ATG9A: variants seen among roughly 807,000 people sequenced by gnomAD.
ATG9A encodes the protein autophagy-related protein 9A.
A neutral mutation model predicts 87.1 loss-of-function variants in ATG9A; 21 were observed. That is an observed-to-expected ratio of 0.24 (90% CI 0.17 to 0.35). The LOEUF is 0.35. Among genes scored for constraint, ATG9A ranks in the 10% least tolerant of loss-of-function variants. The probability of loss-of-function intolerance (pLI) is 1.00; values close to 1 mark genes in which losing one functional copy is unlikely to be tolerated. For missense variants in ATG9A, 836 were observed against 1,107.3 expected (o/e 0.76, Z 3.48); for synonymous variants, 422 against 441.3 (o/e 0.96, Z 0.55).
In ATG9A at chr2:219,220,357, A is replaced by C; in HGVS notation, c.*90T>G. 1 of 1,516,590 alleles carries C rather than the reference A, an allele frequency of 6.6e-7. No homozygotes were observed. Among genetic ancestry groups the C allele is most frequent in the Non-Finnish European group, 9.1e-7 (1 of 1,097,290 alleles). The allele number at this position is 1,516,590 out of a possible 1,614,324, so 93.9% of individuals were successfully genotyped here. A position where few individuals can be genotyped will look rare whatever the true frequency, so the allele number is the denominator to read the frequency against. On this transcript the variant is annotated 3_prime_UTR_variant, in exon 16 of 16. Coordinates refer to ENST00000361242, the MANE Select transcript of ATG9A (RefSeq NM_001077198.3). The stretch of plus-strand genomic sequence containing the variant: ...CACCACACACGTGGGGCCAGGGAAC[A>C]CTCAGAGGAGCCGTCCCATGGCAGG...
rs1338514895 is a variant in ATG9A at position 219,225,190 on chromosome 2, T to C, written c.397A>G (p.Ile133Val). ...SARIQENGSL[I>V]TILVIAGVFW... Reference sequence around the variant, plus strand: ...ACACCAGCAATGACCAGGATGGTGATAAGGGAGCCATTTTCCTGAATCCTG... The same window carrying C: ...ACACCAGCAATGACCAGGATGGTGACAAGGGAGCCATTTTCCTGAATCCTG... The change falls in exon 7 of 16, where the codon ATC becomes GTC. Residue 133 changes from isoleucine (I) to valine (V), a missense_variant. By Grantham distance (29) the Ile-to-Val change is conservative (BLOSUM62 3). This residue lies in a region of ATG9A where 512 missense variants were observed against 759.6 expected (regional missense o/e 0.67). Coordinates refer to ENST00000361242, the MANE Select transcript of ATG9A (RefSeq NM_001077198.3). 1 of 1,613,796 alleles carries C rather than the reference T, an allele frequency of 6.2e-7. No homozygotes were observed.
rs1433084295 is a variant in ATG9A, at chr2:219,225,536, C to G, written c.249G>C (p.Leu83=). The change falls in exon 6 of 16, where the codon CTG becomes CTC. Residue 83 remains leucine, a synonymous_variant. Transcript: ENST00000361242. ...FLFVVAFTTF[L]VSCVDYDILF... is the part of the protein sequence containing the mutation. ...GGATGTCATAGTCCACGCAGCTGAC[C>G]AGGAAGGTAGTGAAGGCAACCACAA... The G allele has an allele frequency of 3.1e-6, 5 of 1,613,968 alleles. No individual in the cohort carries two copies. In the Admixed American group the frequency reaches 5.0e-5, roughly 16 times the overall value.
rs756324717 is a variant in ATG9A at position 219,221,208 on chromosome 2, C to T, written c.2240G>A (p.Gly747Glu). The change falls in exon 14 of 16, where the codon GGA becomes GAA. Residue 747 changes from glycine to glutamate, a missense_variant. By Grantham distance (98) the Gly-to-Glu change is moderately conservative. This residue lies in a region of ATG9A where 324 missense variants were observed against 347.6 expected (regional missense o/e 0.93). Coordinates refer to ENST00000361242, the MANE Select transcript of ATG9A (RefSeq NM_001077198.3). ...AGACTGGGGGGCCCGGGCGCCCTCT[C>T]CCCCTTCATCAGGGGCGCTTTCTCC... ...ESGESAPDEGGEGARAPQSIP... is the reference protein window; with the variant it reads ...ESGESAPDEGEEGARAPQSIP... The T allele has an allele frequency of 1.1e-5, 17 of 1,590,898 alleles. 1 individual carries two copies. Among genetic ancestry groups the T allele is most frequent in the Non-Finnish European group, 1.4e-5 (16 of 1,169,040 alleles).
At chr2:219,227,425 G>A (rs548369765) in intron 4 of ATG9A, among the ~76,000 whole-genome samples, 77 of 152,304 alleles carry the variant, frequency 5.1e-4, no homozygotes, top group African/African-American at 1.8e-3. Flanking sequence ...ACTGAGGCAG[G>A]AGAATCTCTT....
Position 219,227,997 on chromosome 2 carries a change from G to A in ATG9A, c.28C>T (p.Arg10Cys), listed in dbSNP as rs1366445495. Residue 10 changes from arginine (R) to cysteine (C), a missense_variant, in exon 3 of 16, where the codon CGC (arginine) becomes TGC (cysteine). Arg to Cys is a radical substitution (Grantham distance 180). Transcript: ENST00000361242. MAQFDTEYQRLEASYSDSPP... is the reference protein window; with the variant it reads MAQFDTEYQCLEASYSDSPP... Reference sequence around the variant, plus strand: ...GAATCACTATAGGAGGCCTCTAGGCGCTGGTATTCAGTGTCAAACTGCGCC... The same window carrying A: ...GAATCACTATAGGAGGCCTCTAGGCACTGGTATTCAGTGTCAAACTGCGCC... 12 of 1,614,044 alleles carry A rather than the reference G, an allele frequency of 7.4e-6. No homozygotes were observed. Among genetic ancestry groups the A allele is most frequent in the South Asian group, 1.1e-5 (1 of 91,076 alleles).
chr2:219,222,951 C>A lies in ATG9A; in HGVS notation c.1600-58G>T. The A allele has an allele frequency of 6.3e-7, 1 of 1,599,106 alleles. No homozygotes were observed. The highest frequency in any genetic ancestry group is 8.5e-7 in the Non-Finnish European group (1 of 1,172,726). ...TTCTCTTCCAGGAGCCTTCCTGCACCTTTCCTGTTAGTGGGGAGGCCTTAC... is the reference window on the plus strand; with the variant it reads ...TTCTCTTCCAGGAGCCTTCCTGCACATTTCCTGTTAGTGGGGAGGCCTTAC... On this transcript the variant is annotated intron_variant, in intron 10 of 15. Coordinates refer to ENST00000361242, the MANE Select transcript of ATG9A (RefSeq NM_001077198.3). The surrounding 1 kb of genome is among the most constrained non-coding windows in gnomAD (Gnocchi z 4.3).
rs772188896 is a variant in ATG9A, at chr2:219,222,610, C to T, written c.1848+35G>A. On this transcript the variant is annotated intron_variant, in intron 11 of 15. Coordinates refer to ENST00000361242, the MANE Select transcript of ATG9A (RefSeq NM_001077198.3). The surrounding 1 kb of genome is among the most constrained non-coding windows in gnomAD (Gnocchi z 4.3). ...CTCAACTCCCAGCTCCTGAAGTCCA[C>T]TCTGCCCATCATCTCCCAGTCACCA... 1.2e-6 allele frequency: 2 copies of T among 1,610,594 alleles called. No individual in the cohort carries two copies. The highest frequency in any genetic ancestry group is 1.7e-5 in the Admixed American group (1 of 59,966).
In ATG9A at chr2:219,222,602, G is replaced by T. The variant is rs1180405103; in HGVS notation, c.1848+43C>A. 6 of 1,608,740 alleles carry T rather than the reference G, an allele frequency of 3.7e-6. No homozygotes were observed. In the East Asian group the frequency reaches 1.3e-4, roughly 36 times the overall value. On this transcript the variant is annotated intron_variant, in intron 11 of 15. Coordinates refer to ENST00000361242, the MANE Select transcript of ATG9A (RefSeq NM_001077198.3). The surrounding 1 kb of genome is among the most constrained non-coding windows in gnomAD (Gnocchi z 4.3). ...CCCGGTCCCTCAACTCCCAGCTCCT[G>T]AAGTCCACTCTGCCCATCATCTCCC... is the stretch of plus-strand genomic sequence containing the variant.
In ATG9A at chr2:219,220,986, C is replaced by G. The variant is rs1950746929; in HGVS notation, c.2368+94G>C. 3 of 1,593,318 alleles carry G rather than the reference C, an allele frequency of 1.9e-6. No individual in the cohort carries two copies. In the African/African-American group the frequency reaches 4.0e-5, roughly 21 times the overall value. ...CTGCTTGGGGGGTGAGTCTTTGGGC[C>G]TGTTCTCTCAGACCTCTTTCCTCCC... is the stretch of plus-strand genomic sequence containing the variant. On this transcript the variant is annotated intron_variant, in intron 14 of 15. Transcript: ENST00000361242.
intron 7 of ATG9A, 53 bp downstream of exon 7, chr2:219,225,018 A>G: frequency 6.2e-7 from 1 of 1,606,416 alleles, no homozygotes; most frequent in Non-Finnish European, 8.5e-7. Flanking sequence ...ATACACCCAC[A>G]CCTCCCAATA....
Position 219,225,566 on chromosome 2 carries a change from G to A in ATG9A, c.219C>T (p.Phe73=). The A allele has an allele frequency of 1.2e-6, 2 of 1,614,018 alleles. No homozygotes were observed. The highest frequency in any genetic ancestry group is 1.7e-6 in the Non-Finnish European group (2 of 1,179,896). The change falls in exon 6 of 16, where the codon TTC becomes TTT. Residue 73 remains phenylalanine (F), a synonymous_variant. Coordinates refer to ENST00000361242, the MANE Select transcript of ATG9A (RefSeq NM_001077198.3). ...AGGTAGTGAAGGCAACCACAAAGAGGAACTGCCTGGGGAGTTGGGAAGAAG... is the reference window on the plus strand; with the variant it reads ...AGGTAGTGAAGGCAACCACAAAGAGAAACTGCCTGGGGAGTTGGGAAGAAG... The part of the protein sequence containing the change: ...LIGEIFELMQ[F]LFVVAFTTFL...
Position 219,225,476 on chromosome 2 carries a change from G to C in ATG9A, c.309C>G (p.His103Gln), listed in dbSNP as rs200336085. 6.2e-7 allele frequency: 1 copy of C among 1,614,196 alleles called. No individual in the cohort carries two copies. The highest frequency in any genetic ancestry group is 1.3e-5 in the African/African-American group (1 of 75,048). ...GAGTGACCTTGACGGGTTCAGTAGG[G>C]TGAAGACTGTGGTTCACCATCTTGT... ...FANKMVNHSL[H>Q]PTEPVKVTLP... The change falls in exon 6 of 16, where the codon CAC becomes CAG. Residue 103 changes from histidine to glutamine, a missense_variant. His to Gln is a conservative substitution (Grantham distance 24). Around this residue, in one of 2 missense-constraint regions of ATG9A, gnomAD observed 512 missense variants for 759.6 expected, o/e 0.67. Transcript: ENST00000361242.
Position 219,222,960 on chromosome 2 carries a change from T to C in ATG9A, c.1600-67A>G. On this transcript the variant is annotated intron_variant, in intron 10 of 15. Transcript: ENST00000361242. This position sits in a 1 kb window ranked among gnomAD's most constrained non-coding sequence, Gnocchi z 4.3. ...AGGAGCCTTCCTGCACCTTTCCTGTTAGTGGGGAGGCCTTACCCTTGGAGA... is the reference window on the plus strand; with the variant it reads ...AGGAGCCTTCCTGCACCTTTCCTGTCAGTGGGGAGGCCTTACCCTTGGAGA... The C allele has an allele frequency of 6.3e-7, 1 of 1,591,648 alleles. No homozygotes were observed. Among genetic ancestry groups the C allele is most frequent in the Non-Finnish European group, 8.6e-7 (1 of 1,168,884 alleles).
chr2:219,225,783 A>G (rs907245989), intron 5 of ATG9A, among the ~76,000 whole-genome samples: 18 of 152,194 alleles, frequency 1.2e-4, no homozygotes, highest in South Asian at 4.1e-4. Flanking sequence ...GCTGCAGCCT[A>G]CTTTCCTCAC....
Position 219,223,462 on chromosome 2 carries a change from G to T in ATG9A, c.1599+123C>A. On this transcript the variant is annotated intron_variant, in intron 10 of 15. Coordinates refer to ENST00000361242, the MANE Select transcript of ATG9A (RefSeq NM_001077198.3). The surrounding 1 kb of genome is among the most constrained non-coding windows in gnomAD (Gnocchi z 4.7). ...GAAATCCAGCCCAGGCTCCCAAGCAGTGTGCCCCTGGTATAGGACTGCCTT... is the reference window on the plus strand; with the variant it reads ...GAAATCCAGCCCAGGCTCCCAAGCATTGTGCCCCTGGTATAGGACTGCCTT... The T allele has an allele frequency of 8.5e-7, 1 of 1,172,064 alleles. No homozygotes were observed. Among genetic ancestry groups the T allele is most frequent in the Non-Finnish European group, 1.2e-6 (1 of 857,228 alleles). 72.6% of individuals were successfully genotyped at this position (1,172,064 alleles called of 1,614,324 possible).
At position 219,223,818 on chromosome 2, in the gene ATG9A, C is replaced by A; in HGVS notation, c.1419+51G>T. On this transcript the variant is annotated intron_variant, in intron 9 of 15. Transcript: ENST00000361242. The surrounding 1 kb of genome is among the most constrained non-coding windows in gnomAD (Gnocchi z 4.7). ...GAGCAGGAGGGAGCCCAGCCCTCAC[C>A]ACCGAGCTACCAGCCAGTCTCTAGC... 1 of 1,613,974 alleles carries A rather than the reference C, an allele frequency of 6.2e-7. No individual in the cohort carries two copies. Among genetic ancestry groups the A allele is most frequent in the Non-Finnish European group, 8.5e-7 (1 of 1,179,976 alleles).
In ATG9A at chr2:219,225,425, T is replaced by A; in HGVS notation, c.360A>T (p.Gln120His). Residue 120 changes from glutamine (Q) to histidine (H), a missense_variant, in exon 6 of 16, where the codon CAA becomes CAT. By Grantham distance (24) the Gln-to-His change is conservative (BLOSUM62 0). Coordinates refer to ENST00000361242, the MANE Select transcript of ATG9A (RefSeq NM_001077198.3). ...GCAGCCCTTACCTGGCACTACAGAC[T>A]TGAGCAGGCAAAAAGGCGTCTGGCA... ...VTLPDAFLPA[Q>H]VCSARIQENG... The A allele has an allele frequency of 6.2e-7, 1 of 1,614,108 alleles. No individual in the cohort carries two copies. Among genetic ancestry groups the A allele is most frequent in the African/African-American group, 1.3e-5 (1 of 75,032 alleles).
Position 219,225,181 on chromosome 2 carries a change from G to C in ATG9A, c.406C>G (p.Leu136Val), listed in dbSNP as rs1378430417. ...ATCCAGAAGACACCAGCAATGACCA[G>C]GATGGTGATAAGGGAGCCATTTTCC... ...IQENGSLITI[L>V]VIAGVFWIHR... The change falls in exon 7 of 16, where the codon CTG (leucine) becomes GTG (valine). Residue 136 changes from leucine to valine, a missense_variant. Coordinates refer to ENST00000361242, the MANE Select transcript of ATG9A (RefSeq NM_001077198.3). The C allele has an allele frequency of 6.2e-7, 1 of 1,614,104 alleles. No homozygotes were observed. The highest frequency in any genetic ancestry group is 1.7e-5 in the Admixed American group (1 of 60,010).
Position 219,223,783 on chromosome 2 carries a change from G to C in ATG9A, c.1420-19C>G. The C allele has an allele frequency of 6.2e-7, 1 of 1,613,678 alleles. No homozygotes were observed. The highest frequency in any genetic ancestry group is 8.5e-7 in the Non-Finnish European group (1 of 1,179,832). ...TGAACACCTAAAAGGGCGGGACCAA[G>C]GTCACAAGCGAGCAGGAGGGAGCCC... On this transcript the variant is annotated intron_variant, in intron 9 of 15. Coordinates refer to ENST00000361242, the MANE Select transcript of ATG9A (RefSeq NM_001077198.3). The surrounding 1 kb of genome is among the most constrained non-coding windows in gnomAD (Gnocchi z 4.7).
Sources: gnomAD v4.1 joint callset for allele counts (sites outside exome capture counted in the v4.1 genomes callset) on GRCh38, gnomAD v4.1.1 for gene constraint, gnomAD v4.1.1 regional missense constraint, Gnocchi (gnomAD v3.1) non-coding constraint, MANE v1.5 for transcripts, NCBI Gene and HGNC (gene_info 2026-07-23, HGNC 2026-07-21) for gene names.